The following TEAD1 variants were observed in gnomAD, a reference collection of about 807,000 sequenced individuals.
The protein encoded by TEAD1 is transcriptional enhancer factor TEF-1.
A neutral mutation model predicts 54.9 loss-of-function variants in TEAD1; 9 were observed. The observed-to-expected ratio is 0.16, with a 90% CI of 0.10 to 0.29. The LOEUF is 0.29. Ranked by LOEUF, TEAD1 falls within the 10% of genes least tolerant of loss-of-function variation. The pLI is 1.00. For missense variants in TEAD1, 387 were observed against 535.9 expected, an observed-to-expected ratio of 0.72 and a Z score of 2.74; for synonymous variants, 200 against 187.8, an observed-to-expected ratio of 1.07 and a Z score of -0.53.
intron 3 of TEAD1, 91 bp from the exon 4 acceptor site, chr11:12,862,159 C>G: frequency 2.0e-6 from 2 of 997,088 alleles, no homozygotes; most frequent in South Asian, 1.4e-5. Context: ...TTTTAAAATT[C>G]TTGATTCTGA....
chr11:12,791,184 T>C (rs1945795142), intron 3 of TEAD1, among the ~76,000 whole-genome samples: 1 of 152,224 alleles, frequency 6.6e-6, no homozygotes, highest in Admixed American at 6.5e-5. Flanking sequence ...GGTTCATGCA[T>C]AGGAAATGCC....
At chr11:12,752,232 T>A (rs1422640539) in intron 2 of TEAD1, among the ~76,000 whole-genome samples, 2 of 148,222 alleles carry the variant, frequency 1.3e-5, no homozygotes, top group Non-Finnish European at 3.0e-5. Context: ...TTTTTTTTTT[T>A]TCATTTCTTT....
At chr11:12,769,534 A>G (rs1234262969) in intron 3 of TEAD1, among the ~76,000 whole-genome samples, 1 of 151,990 alleles carries the variant, frequency 6.6e-6, no homozygotes, top group Admixed American at 6.6e-5. Flanking sequence ...TCCTTTTATA[A>G]GATAGTATGT....
intron 10 of TEAD1, among the ~76,000 whole-genome samples, chr11:12,904,252 A>T (rs1413039354): frequency 1.5e-5 from 2 of 130,798 alleles, no homozygotes; most frequent in African/African-American, 6.4e-5. Context: ...TACACATTGA[A>T]AGTGAACACA....
intron 3 of TEAD1, among the ~76,000 whole-genome samples, chr11:12,854,020 G>T (rs550252392): frequency 2.6e-4 from 40 of 152,228 alleles, no homozygotes; most frequent in African/African-American, 8.7e-4. Flanking sequence ...CCTGAAGGCC[G>T]TCAGTCCTTT....
intron 2 of TEAD1, among the ~76,000 whole-genome samples, chr11:12,731,275 C>T (rs1395518558): frequency 6.6e-6 from 1 of 151,974 alleles, no homozygotes; most frequent in African/African-American, 2.4e-5. Flanking sequence ...CAGTATATGT[C>T]CAATGTGAAA....
intron 3 of TEAD1, among the ~76,000 whole-genome samples, chr11:12,845,823 A>G (rs571374656): frequency 6.6e-6 from 1 of 152,286 alleles, no homozygotes; most frequent in South Asian, 2.1e-4. Context: ...TGCACATAGA[A>G]TTGGTCGCCT....
intron 5 of TEAD1, among the ~76,000 whole-genome samples, chr11:12,868,798 G>A (rs759043282): frequency 1.1e-4 from 17 of 152,194 alleles, no homozygotes; most frequent in African/African-American, 3.6e-4. Flanking sequence ...TAGACGTTGG[G>A]CACATAGAAT....
In TEAD1 at chr11:12,760,206, A is replaced by G. The variant is rs143290349; in HGVS notation, c.-54-3973A>G. Among the ~76,000 whole-genome samples, 623 of 152,374 alleles carry G rather than the reference A, an allele frequency of 4.1e-3. 5 individuals carry two copies. Among genetic ancestry groups the G allele is most frequent in the African/African-American group, 0.014 (589 of 41,600 alleles). On this transcript the variant is annotated intron_variant, in intron 2 of 12. Transcript: ENST00000527636. ...CTTGGACATAAATGAACATCTGTTCATAGTTTTACAGATGACAGAGCGCCT... is the reference window on the plus strand; with the variant it reads ...CTTGGACATAAATGAACATCTGTTCGTAGTTTTACAGATGACAGAGCGCCT...
In TEAD1 at chr11:12,879,800, G is replaced by C. The variant is rs376738111; in HGVS notation, c.423G>C (p.Gly141=). Residue 141 remains glycine (G), a synonymous_variant, in exon 6 of 13, where the codon GGG becomes GGC. Transcript: ENST00000527636. ...CCACTGCCATTCATAACAAGCTGGGGCTGCCTGGGATTCCACGCCCGACCT... is the reference window on the plus strand; with the variant it reads ...CCACTGCCATTCATAACAAGCTGGGCCTGCCTGGGATTCCACGCCCGACCT... 1 of 1,614,098 alleles carries C rather than the reference G, an allele frequency of 6.2e-7. No homozygotes were observed. Among genetic ancestry groups the C allele is most frequent in the Non-Finnish European group, 8.5e-7 (1 of 1,180,036 alleles).
intron 2 of TEAD1, among the ~76,000 whole-genome samples, chr11:12,702,556 T>G (rs188508109): frequency 3.0e-3 from 453 of 152,298 alleles, no homozygotes; most frequent in African/African-American, 0.01. Flanking sequence ...CACCTGGGTG[T>G]GCATTTCTGT....
At chr11:12,780,837 C>T (rs1212703368) in intron 3 of TEAD1, among the ~76,000 whole-genome samples, 1 of 152,290 alleles carries the variant, frequency 6.6e-6, no homozygotes, top group African/African-American at 2.4e-5. Flanking sequence ...CCCATGACTT[C>T]TTTGACAAGT....
At chr11:12,675,320 G>C (rs1408450797) in intron 1 of TEAD1, 89 bp from the exon 2 acceptor site, 1 of 152,296 alleles carries the variant, frequency 6.6e-6, no homozygotes, top group Non-Finnish European at 1.5e-5. Flanking sequence ...GGCCGGCCCG[G>C]GTCTGCGCAG....
At position 12,939,783 on chromosome 11, in the gene TEAD1, C is replaced by T. The variant is rs564784410; in HGVS notation, c.*2561C>T. ...TGTTCTTCTAAAGCTTTCTCCAGGA[C>T]AGATATTTTCCCTGTCTTAACCACT... On this transcript the variant is annotated 3_prime_UTR_variant, in exon 13 of 13. Coordinates refer to ENST00000527636, the MANE Select transcript of TEAD1 (RefSeq NM_021961.6). 2 of 152,378 alleles carry T rather than the reference C, an allele frequency of 1.3e-5. No homozygotes were observed. Among genetic ancestry groups the T allele is most frequent in the East Asian group, 3.9e-4 (2 of 5,188 alleles). 9.4% of individuals were successfully genotyped at this position (152,378 alleles called of 1,614,324 possible). A position where few individuals can be genotyped will look rare whatever the true frequency, so the allele number is the denominator to read the frequency against.
At position 12,759,638 on chromosome 11, in the gene TEAD1, G is replaced by T. The variant is rs182102804; in HGVS notation, c.-54-4541G>T. Among the ~76,000 whole-genome samples, 13 of 152,260 alleles carry T rather than the reference G, an allele frequency of 8.5e-5. No individual in the cohort carries two copies. In the East Asian group the frequency reaches 2.5e-3, roughly 29 times the overall value. On this transcript the variant is annotated intron_variant, in intron 2 of 12. Transcript: ENST00000527636. ...AGCACTTTGGGAGTCCAAGGTGGGCGGATTATGAGGTCAGGAGTTCGAGAC... is the reference window on the plus strand; with the variant it reads ...AGCACTTTGGGAGTCCAAGGTGGGCTGATTATGAGGTCAGGAGTTCGAGAC...
rs763737246 is a variant in TEAD1, at chr11:12,862,326, C to T, written c.267+12C>T. 2.5e-6 allele frequency: 4 copies of T among 1,613,092 alleles called. No homozygotes were observed. Among genetic ancestry groups the T allele is most frequent in the Non-Finnish European group, 3.4e-6 (4 of 1,179,242 alleles). On this transcript the variant is annotated intron_variant, in intron 4 of 12. Coordinates refer to ENST00000527636, the MANE Select transcript of TEAD1 (RefSeq NM_021961.6). ...GGACCAGAAAACAGGTAAAATAACCCACCTGGAAATTGTGCATGTCAGCGA... is the reference window on the plus strand; with the variant it reads ...GGACCAGAAAACAGGTAAAATAACCTACCTGGAAATTGTGCATGTCAGCGA...
chr11:12,923,444 TC>T (rs952821089), intron 10 of TEAD1, among the ~76,000 whole-genome samples: 7 of 152,152 alleles, frequency 4.6e-5, no homozygotes, highest in South Asian at 2.1e-4. Flanking sequence ...GGTGCTTAGT[TC>T]CGTGTGGTAT....
At chr11:12,923,454 A>G (rs1165412644) in intron 10 of TEAD1, among the ~76,000 whole-genome samples, 1 of 152,044 alleles carries the variant, frequency 6.6e-6, no homozygotes. Flanking sequence ...TCCGTGTGGT[A>G]TGTTCCTCAC....
chr11:12,920,840 A>G (rs2134156578), intron 10 of TEAD1, among the ~76,000 whole-genome samples: 1 of 152,364 alleles, frequency 6.6e-6, no homozygotes, highest in East Asian at 1.9e-4. Flanking sequence ...ATTGGGAAGC[A>G]TCATAGATAT....
Sources: allele counts gnomAD v4.1 joint callset (sites outside exome capture counted in the v4.1 genomes callset), GRCh38; gene constraint gnomAD v4.1.1; transcripts MANE v1.5; gene names NCBI Gene and HGNC (gene_info 2026-07-23, HGNC 2026-07-21).